The following TMEM82 variants were observed in gnomAD, a reference collection of about 807,000 sequenced individuals.
The protein encoded by TMEM82 is transmembrane protein 82.
Under a neutral mutation model 29.2 loss-of-function variants are expected in TMEM82, and 30 were observed. The ratio of observed to expected loss-of-function variants is 1.03; its 90% CI spans 0.77 to 1.39. The LOEUF (loss-of-function observed/expected upper bound fraction) is 1.39. Among genes scored for constraint, TMEM82 ranks in the 40% most tolerant of loss-of-function variants. TMEM82 has a pLI of 0.00. For synonymous variants in TMEM82, 221 were observed against 225.4 expected, an observed-to-expected ratio of 0.98 and a Z score of 0.18; for missense variants, 442 against 447.7, an observed-to-expected ratio of 0.99 and a Z score of 0.12.
In TMEM82 at chr1:15,744,701, A is replaced by G. The variant is rs1390740940; in HGVS notation, c.757+121A>G. ...CCATCCCAGAGAGCCTGGTCAGGACAGAGGCTGTGTGGCGGGGGCAGTGCA... is the reference window on the plus strand; with the variant it reads ...CCATCCCAGAGAGCCTGGTCAGGACGGAGGCTGTGTGGCGGGGGCAGTGCA... On this transcript the variant is annotated intron_variant, in intron 4 of 5. Transcript: ENST00000375782. The surrounding 1 kb of genome is among the most constrained non-coding windows in gnomAD (Gnocchi z 5.2). The G allele has an allele frequency of 3.1e-5, 39 of 1,254,214 alleles. No homozygotes were observed. The highest frequency in any genetic ancestry group is 4.2e-5 in the Non-Finnish European group (39 of 923,706). 77.7% of individuals were successfully genotyped at this position (1,254,214 alleles called of 1,614,324 possible). A position where few individuals can be genotyped will look rare whatever the true frequency, so the allele number is the denominator to read the frequency against.
Position 15,743,008 on chromosome 1 carries a change from C to T in TMEM82, c.162-12C>T. On this transcript the variant is annotated splice_polypyrimidine_tract_variant and intron_variant, in intron 2 of 5. Transcript: ENST00000375782. ...TTCTGCACCCCTGCCCACACCCATT[C>T]TGTCCCCAAAGTGACCCGCAGCGGC... is the stretch of plus-strand genomic sequence containing the variant. 6.3e-7 allele frequency: 1 copy of T among 1,599,258 alleles called. No individual in the cohort carries two copies. Among genetic ancestry groups the T allele is most frequent in the Non-Finnish European group, 8.5e-7 (1 of 1,171,882 alleles).
chr1:15,746,948 T>G lies in TMEM82; in HGVS notation c.839T>G (p.Leu280Arg). ...VRMGGLFVLL[L>R]TVGRWLDLLG... ...ATGGGCGGCCTCTTCGTGCTGCTGC[T>G]GACTGTGGGTCGCTGGCTGGACCTG... Residue 280 changes from leucine (L) to arginine (R), a missense_variant, in exon 5 of 6, where the codon CTG (leucine) becomes CGG (arginine). By Grantham distance (102) the Leu-to-Arg change is moderately radical. Transcript: ENST00000375782. 1.9e-6 allele frequency: 3 copies of G among 1,610,984 alleles called. No homozygotes were observed. The highest frequency in any genetic ancestry group is 2.5e-6 in the Non-Finnish European group (3 of 1,179,966).
At position 15,747,812 on chromosome 1, in the gene TMEM82, G is replaced by T; in HGVS notation, c.*180G>T. The T allele has an allele frequency of 1.9e-6, 1 of 520,820 alleles. No individual in the cohort carries two copies. 32.3% of individuals were successfully genotyped at this position (520,820 alleles called of 1,614,324 possible). Reference sequence around the variant, plus strand: ...ATTTGGGGATGGGAGCCTCTGGAGAGGGGACACCTGGGGACCCCTGGTTGA... The same window carrying T: ...ATTTGGGGATGGGAGCCTCTGGAGATGGGACACCTGGGGACCCCTGGTTGA... On this transcript the variant is annotated 3_prime_UTR_variant, in exon 6 of 6. Transcript: ENST00000375782.
intron 4 of TMEM82, among the ~76,000 whole-genome samples, chr1:15,745,784 C>T (rs1205549766): frequency 6.7e-6 from 1 of 149,090 alleles, no homozygotes; most frequent in Non-Finnish European, 1.5e-5. Context: ...ATCCCAGCTA[C>T]TTGGGAGGCA....
intron 4 of TMEM82, among the ~76,000 whole-genome samples, chr1:15,745,072 G>C (rs2068324669): frequency 6.6e-6 from 1 of 152,104 alleles, no homozygotes; most frequent in East Asian, 1.9e-4. Flanking sequence ...TTTGAGATAG[G>C]GTTTTGCTTG....
Position 15,744,893 on chromosome 1 carries a change from A to G in TMEM82, c.757+313A>G, listed in dbSNP as rs565701276. 3.9e-4 allele frequency among the ~76,000 whole-genome samples: 60 copies of G among 152,280 alleles called. No homozygotes were observed. The highest frequency in any genetic ancestry group is 7.1e-4 in the Non-Finnish European group (48 of 68,014). ...AGAGAGGGCATGGCCGTGCCAAACA[A>G]GCCACAGGAGTCCAGTGTGGCTGTC... On this transcript the variant is annotated intron_variant, in intron 4 of 5. Coordinates refer to ENST00000375782, the MANE Select transcript of TMEM82 (RefSeq NM_001013641.3). This position sits in a 1 kb window ranked among gnomAD's most constrained non-coding sequence, Gnocchi z 5.2.
chr1:15,742,631 T>G lies in TMEM82; in HGVS notation c.72T>G (p.Leu24=). ...LPSLEWGSSL[L]DSLLQGLIGA... Reference sequence around the variant, plus strand: ...CCCTCGAGTGGGGCTCTAGCCTCCTTGACTCCCTCCTGCAAGGTGAGCACC... The same window carrying G: ...CCCTCGAGTGGGGCTCTAGCCTCCTGGACTCCCTCCTGCAAGGTGAGCACC... The change falls in exon 1 of 6, where the codon CTT becomes CTG. Residue 24 remains leucine (L), a synonymous_variant. Coordinates refer to ENST00000375782, the MANE Select transcript of TMEM82 (RefSeq NM_001013641.3). 6.2e-7 allele frequency: 1 copy of G among 1,610,074 alleles called. No individual in the cohort carries two copies. The highest frequency in any genetic ancestry group is 1.1e-5 in the South Asian group (1 of 90,952).
In TMEM82 at chr1:15,742,551, G is replaced by T. The variant is rs558098792; in HGVS notation, c.-9G>T. The T allele has an allele frequency of 1.3e-6, 2 of 1,570,388 alleles. No homozygotes were observed. Among genetic ancestry groups the T allele is most frequent in the East Asian group, 2.2e-5 (1 of 44,464 alleles). Reference sequence around the variant, plus strand: ...CTGGCCGGAGGCTGGGGCTCCTTCCGGGGCTGCCATGTTCTCTCTTCCATC... The same window carrying T: ...CTGGCCGGAGGCTGGGGCTCCTTCCTGGGCTGCCATGTTCTCTCTTCCATC... On this transcript the variant is annotated 5_prime_UTR_variant, in exon 1 of 6. Coordinates refer to ENST00000375782, the MANE Select transcript of TMEM82 (RefSeq NM_001013641.3).
At chr1:15,743,454 G>A (rs1212835122) in intron 3 of TMEM82, among the ~76,000 whole-genome samples, 1 of 152,264 alleles carries the variant, frequency 6.6e-6, no homozygotes. Flanking sequence ...GCCAGGCCCT[G>A]CGCCGAGTGC....
chr1:15,744,068 C>G lies in TMEM82; in HGVS notation c.337-92C>G. 3.0e-6 allele frequency: 4 copies of G among 1,343,334 alleles called. No homozygotes were observed. Among genetic ancestry groups the G allele is most frequent in the Non-Finnish European group, 3.9e-6 (4 of 1,016,712 alleles). 83.2% of individuals were successfully genotyped at this position (1,343,334 alleles called of 1,614,324 possible). The stretch of plus-strand genomic sequence containing the variant: ...ATGTGGCCCCTTCGGGAACCATCCC[C>G]AAGGTCCCTTCAGGCTCCGGCTTCC... On this transcript the variant is annotated intron_variant, in intron 3 of 5. Coordinates refer to ENST00000375782, the MANE Select transcript of TMEM82 (RefSeq NM_001013641.3). The surrounding 1 kb of genome is among the most constrained non-coding windows in gnomAD (Gnocchi z 5.2).
chr1:15,742,648 G>A lies in TMEM82; in HGVS notation c.88+1G>A. On this transcript the variant is annotated splice_donor_variant, in intron 1 of 5. Transcript: ENST00000375782. LOFTEE classifies it high-confidence loss of function. ...AGCCTCCTTGACTCCCTCCTGCAAGGTGAGCACCTCGCCCCATTCCTGCCT... is the reference window on the plus strand; with the variant it reads ...AGCCTCCTTGACTCCCTCCTGCAAGATGAGCACCTCGCCCCATTCCTGCCT... 1 of 1,609,218 alleles carries A rather than the reference G, an allele frequency of 6.2e-7. No homozygotes were observed. The highest frequency in any genetic ancestry group is 8.5e-7 in the Non-Finnish European group (1 of 1,179,370).
At position 15,747,627 on chromosome 1, in the gene TMEM82, T is replaced by G. The variant is rs753947852; in HGVS notation, c.1027T>G (p.Ser343Ala). The G allele has an allele frequency of 6.2e-7, 1 of 1,613,786 alleles. No homozygotes were observed. Among genetic ancestry groups the G allele is most frequent in the Non-Finnish European group, 8.5e-7 (1 of 1,179,824 alleles). Residue 343 changes from serine (S) to alanine (A), a missense_variant, in exon 6 of 6, where the codon TCT becomes GCT. By Grantham distance (99) the Ser-to-Ala change is moderately conservative (BLOSUM62 1). Coordinates refer to ENST00000375782, the MANE Select transcript of TMEM82 (RefSeq NM_001013641.3). Reference protein sequence around the residue: ...SAPQSQSSAPS With the variant: ...SAPQSQSSAPA ...ACCCCAGTCCCAGAGTTCGGCCCCC[T>G]CTTGACCTGCCTCAGGGAGGATCTG...
chr1:15,744,061 C>A lies in TMEM82; in HGVS notation c.337-99C>A. ...GAAGCCGATGTGGCCCCTTCGGGAACCATCCCCAAGGTCCCTTCAGGCTCC... is the reference window on the plus strand; with the variant it reads ...GAAGCCGATGTGGCCCCTTCGGGAAACATCCCCAAGGTCCCTTCAGGCTCC... On this transcript the variant is annotated intron_variant, in intron 3 of 5. Transcript: ENST00000375782. The surrounding 1 kb of genome is among the most constrained non-coding windows in gnomAD (Gnocchi z 5.2). 1 of 1,282,662 alleles carries A rather than the reference C, an allele frequency of 7.8e-7. No individual in the cohort carries two copies. The highest frequency in any genetic ancestry group is 1.0e-6 in the Non-Finnish European group (1 of 962,584). 79.5% of individuals were successfully genotyped at this position (1,282,662 alleles called of 1,614,324 possible). A position where few individuals can be genotyped will look rare whatever the true frequency, so the allele number is the denominator to read the frequency against.
chr1:15,747,453 C>G lies in TMEM82; in HGVS notation c.946-93C>G, dbSNP rs116595419. On this transcript the variant is annotated intron_variant, in intron 5 of 5. Transcript: ENST00000375782. ...GCCCTCTCCAGCAACAACCCAGAGG[C>G]CCAAGGGGGAGGAAGTGCCCGGGTC... 2.4e-3 allele frequency: 2,578 copies of G among 1,091,378 alleles called. 33 individuals are homozygous for G. In the African/African-American group the frequency reaches 0.033, roughly 14 times the overall value. 67.6% of individuals were successfully genotyped at this position (1,091,378 alleles called of 1,614,324 possible). A position where few individuals can be genotyped will look rare whatever the true frequency, so the allele number is the denominator to read the frequency against.
chr1:15,745,537 GAGAGAGAAAGAGAGAA>G (rs777304796), intron 4 of TMEM82, among the ~76,000 whole-genome samples: 1 of 145,308 alleles, frequency 6.9e-6, no homozygotes, highest in African/African-American at 2.7e-5. Context: ...GAGAGAAAGA[GAGAGAGAAAGAGAGAA>G]AGAGAGAAAG....
Position 15,744,156 on chromosome 1 carries a change from G to A in TMEM82, c.337-4G>A, listed in dbSNP as rs776164903. On this transcript the variant is annotated splice_region_variant and splice_polypyrimidine_tract_variant and intron_variant, in intron 3 of 5. Coordinates refer to ENST00000375782, the MANE Select transcript of TMEM82 (RefSeq NM_001013641.3). This position sits in a 1 kb window ranked among gnomAD's most constrained non-coding sequence, Gnocchi z 5.2. ...TCTCGGCCCCTCTTCGGCACTCCCCGCAGGGCTCCCAGGGTGCCGCCGAGA... is the reference window on the plus strand; with the variant it reads ...TCTCGGCCCCTCTTCGGCACTCCCCACAGGGCTCCCAGGGTGCCGCCGAGA... 5.9e-6 allele frequency: 9 copies of A among 1,536,374 alleles called. No homozygotes were observed. The highest frequency in any genetic ancestry group is 5.6e-5 in the Admixed American group (3 of 53,784).
At position 15,744,575 on chromosome 1, in the gene TMEM82, T is replaced by A. The variant is rs1352750939; in HGVS notation, c.752T>A (p.Met251Lys). 6.2e-7 allele frequency: 1 copy of A among 1,607,324 alleles called. No homozygotes were observed. Among genetic ancestry groups the A allele is most frequent in the Non-Finnish European group, 8.5e-7 (1 of 1,176,716 alleles). The change falls in exon 4 of 6, where the codon ATG becomes AAG. Residue 251 changes from methionine to lysine, a missense_variant. Transcript: ENST00000375782. This position sits in a 1 kb window ranked among gnomAD's most constrained non-coding sequence, Gnocchi z 5.2. ...TICYTLLVIY[M>K]QEEQRQHPGL... Reference sequence around the variant, plus strand: ...TGCTACACGCTGCTGGTCATCTACATGCAGGGTGAGCGCTGCGGGGCCTGC... The same window carrying A: ...TGCTACACGCTGCTGGTCATCTACAAGCAGGGTGAGCGCTGCGGGGCCTGC...
Position 15,743,080 on chromosome 1 carries a change from G to A in TMEM82, c.222G>A (p.Thr74=), listed in dbSNP as rs765072124. ...RLRAQWASLE[T]VHLAGLALFL... ...GGGCCCAGTGGGCCTCCCTGGAAAC[G>A]GTGCACCTGGCAGGGCTGGCCCTGT... The change falls in exon 3 of 6, where the codon ACG becomes ACA. Residue 74 remains threonine (T), a synonymous_variant. Transcript: ENST00000375782. 13 of 1,610,062 alleles carry A rather than the reference G, an allele frequency of 8.1e-6. No individual in the cohort carries two copies. In the East Asian group the frequency reaches 8.9e-5, roughly 11 times the overall value.
intron 5 of TMEM82, 44 bp downstream of exon 5, chr1:15,747,098 C>T (rs932353993): frequency 3.2e-6 from 5 of 1,579,044 alleles, no homozygotes; most frequent in Admixed American, 1.8e-5. Flanking sequence ...ATGAACCCTG[C>T]TTCAAACAGC....
Sources: allele counts gnomAD v4.1 joint callset (sites outside exome capture counted in the v4.1 genomes callset), GRCh38; gene constraint gnomAD v4.1.1; non-coding constraint Gnocchi (gnomAD v3.1); transcripts MANE v1.5; gene names NCBI Gene and HGNC (gene_info 2026-07-23, HGNC 2026-07-21).